Variants in ADIPOR2 observed in about 807,000 individuals in gnomAD.
The protein encoded by ADIPOR2 is adiponectin receptor protein 2.
ADIPOR2 carries 18 observed loss-of-function variants against 40.9 expected under a neutral mutation model. That is an observed-to-expected ratio of 0.44 (90% CI 0.30 to 0.65). The LOEUF (loss-of-function observed/expected upper bound fraction) is 0.65, where lower values mean the gene tolerates loss of function less well. Ranked by LOEUF, ADIPOR2 falls within the 30% of genes least tolerant of loss-of-function variation. The probability of loss-of-function intolerance (pLI) is 0.09; values close to 1 mark genes in which losing one functional copy is unlikely to be tolerated. For missense variants in ADIPOR2, 283 were observed against 479.2 expected (o/e 0.59, Z 3.82); for synonymous variants, 165 against 166.4 (o/e 0.99, Z 0.06).
At chr12:1,780,349 C>T (rs549007401) in intron 4 of ADIPOR2, 102 bp from the exon 5 acceptor site, 423 of 1,199,310 alleles carry the variant, frequency 3.5e-4, no homozygotes, top group Middle Eastern at 8.7e-4. Context: ...ACTTTTGATT[C>T]AGATATTGTT....
chr12:1,708,410 T>C (rs1031685603), intron 1 of ADIPOR2, among the ~76,000 whole-genome samples: 2 of 152,216 alleles, frequency 1.3e-5, no homozygotes, highest in Non-Finnish European at 2.9e-5. Flanking sequence ...TTTTTACTTA[T>C]GGTTAGTGCT....
intron 2 of ADIPOR2, chr12:1,757,778 T>C: frequency 2.0e-6 from 2 of 1,016,016 alleles, no homozygotes; most frequent in Non-Finnish European, 1.6e-6. Flanking sequence ...GGGTAGGTTA[T>C]ATGAGTTCGG....
intron 1 of ADIPOR2, among the ~76,000 whole-genome samples, chr12:1,751,525 G>A (rs1031025140): frequency 1.3e-5 from 2 of 151,778 alleles, no homozygotes; most frequent in African/African-American, 4.8e-5. Flanking sequence ...TTTTTATTAC[G>A]AGATGGGGTC....
chr12:1,750,934 CATTT>C lies in ADIPOR2; in HGVS notation c.-86-3322_-86-3319del, dbSNP rs933749307. ...AATTTTTATACTCATTTTTTTCCCT[CATTT>C]AATTATCTAAGACTTCCAAGATAGA... is the stretch of plus-strand genomic sequence containing the variant. On this transcript the variant is annotated intron_variant, in intron 1 of 7. Transcript: ENST00000357103. Among the ~76,000 whole-genome samples the C allele has an allele frequency of 1.2e-3, 179 of 151,554 alleles. 1 individual carries two copies. The highest frequency in any genetic ancestry group is 4.1e-3 in the African/African-American group (171 of 41,362).
At chr12:1,705,231 T>C (rs564467794) in intron 1 of ADIPOR2, among the ~76,000 whole-genome samples, 3 of 152,334 alleles carry the variant, frequency 2.0e-5, no homozygotes, top group African/African-American at 7.2e-5. Context: ...TATGTGGTAT[T>C]ATAGTACAGA....
chr12:1,782,359 T>A (rs543360227), intron 6 of ADIPOR2, among the ~76,000 whole-genome samples: 3 of 152,368 alleles, frequency 2.0e-5, no homozygotes, highest in African/African-American at 7.2e-5. Flanking sequence ...CTTTATCTGT[T>A]GAGAAAGCTT....
chr12:1,711,222 G>A (rs2094676165), intron 1 of ADIPOR2, among the ~76,000 whole-genome samples: 1 of 152,120 alleles, frequency 6.6e-6, no homozygotes, highest in African/African-American at 2.4e-5. Context: ...GATAGATTTT[G>A]TTATTTCTTG....
chr12:1,714,981 C>A (rs1421350149), intron 1 of ADIPOR2, among the ~76,000 whole-genome samples: 1 of 151,946 alleles, frequency 6.6e-6, no homozygotes, highest in Non-Finnish European at 1.5e-5. Flanking sequence ...TGGGTTGGGC[C>A]AAATTCCCCT....
chr12:1,742,346 G>T (rs1191062176), intron 1 of ADIPOR2, among the ~76,000 whole-genome samples: 2 of 152,316 alleles, frequency 1.3e-5, no homozygotes, highest in East Asian at 3.9e-4. Flanking sequence ...GCCCACCTGG[G>T]CCTCCCAAAG....
Position 1,781,809 on chromosome 12 carries a change from C to T in ADIPOR2, c.838+733C>T, listed in dbSNP as rs560176334. Among the ~76,000 whole-genome samples, 4 of 152,262 alleles carry T rather than the reference C, an allele frequency of 2.6e-5. No individual in the cohort carries two copies. In the East Asian group the frequency reaches 5.8e-4, roughly 22 times the overall value. On this transcript the variant is annotated intron_variant, in intron 6 of 7. Coordinates refer to ENST00000357103, the MANE Select transcript of ADIPOR2 (RefSeq NM_024551.3). Reference sequence around the variant, plus strand: ...ATTAAAATCTAAACCCTGGATCATCCGGGGGTACCTGGAAGGTTAGACACA... The same window carrying T: ...ATTAAAATCTAAACCCTGGATCATCTGGGGGTACCTGGAAGGTTAGACACA...
intron 2 of ADIPOR2, among the ~76,000 whole-genome samples, chr12:1,755,667 A>G (rs1862109725): frequency 6.6e-6 from 1 of 152,250 alleles, no homozygotes; most frequent in Non-Finnish European, 1.5e-5. Flanking sequence ...AAGTATCAGA[A>G]AGTCATTGTT....
At chr12:1,727,000 T>G (rs1042429373) in intron 1 of ADIPOR2, among the ~76,000 whole-genome samples, 1 of 152,244 alleles carries the variant, frequency 6.6e-6, no homozygotes, top group Non-Finnish European at 1.5e-5. Context: ...TTGCTTCTCT[T>G]GAGTATATCT....
chr12:1,751,389 C>T (rs1164412790), intron 1 of ADIPOR2, among the ~76,000 whole-genome samples: 1 of 151,978 alleles, frequency 6.6e-6, no homozygotes, highest in Non-Finnish European at 1.5e-5. Context: ...AGTTGATTTT[C>T]TTCTTTTTAT....
intron 1 of ADIPOR2, among the ~76,000 whole-genome samples, chr12:1,716,476 T>G (rs964325286): frequency 6.6e-5 from 10 of 152,264 alleles, no homozygotes; most frequent in African/African-American, 1.9e-4. Flanking sequence ...AACCTTCGAT[T>G]GTTTGTAATA....
chr12:1,781,219 G>A, intron 6 of ADIPOR2, 143 bp downstream of exon 6: 2 of 945,172 alleles, frequency 2.1e-6, no homozygotes, highest in South Asian at 4.4e-5. Context: ...CTATTGTTGG[G>A]GGTTTTTTTA....
intron 1 of ADIPOR2, among the ~76,000 whole-genome samples, chr12:1,736,182 C>T (rs1360416469): frequency 6.6e-6 from 1 of 152,048 alleles, no homozygotes; most frequent in Non-Finnish European, 1.5e-5. Flanking sequence ...CCAGCTCCTC[C>T]TTGTACCTCT....
In ADIPOR2 at chr12:1,786,571, A is replaced by T. The variant is rs371544429; in HGVS notation, c.*499A>T. ...GTAAATAAGATTTCTAACTGTTTAA[A>T]TAAGACTTTATATAAATGTTTAAAA... On this transcript the variant is annotated 3_prime_UTR_variant, in exon 8 of 8. Transcript: ENST00000357103. The T allele has an allele frequency of 1.3e-5, 2 of 153,828 alleles. No individual in the cohort carries two copies. The highest frequency in any genetic ancestry group is 2.9e-5 in the Non-Finnish European group (2 of 68,852). 9.5% of individuals were successfully genotyped at this position (153,828 alleles called of 1,614,324 possible).
chr12:1,737,823 A>G (rs1266470023), intron 1 of ADIPOR2, among the ~76,000 whole-genome samples: 1 of 152,126 alleles, frequency 6.6e-6, no homozygotes, highest in African/African-American at 2.4e-5. Flanking sequence ...AAGTGCTAGG[A>G]TTACAGGCGG....
At chr12:1,708,046 T>A (rs985180760) in intron 1 of ADIPOR2, among the ~76,000 whole-genome samples, 3 of 151,942 alleles carry the variant, frequency 2.0e-5, no homozygotes, top group African/African-American at 7.3e-5. Flanking sequence ...GGTAAAAAAA[T>A]AACAATATGC....
Sources: gnomAD v4.1 joint callset for allele counts (sites outside exome capture counted in the v4.1 genomes callset) on GRCh38, gnomAD v4.1.1 for gene constraint, MANE v1.5 for transcripts, NCBI Gene and HGNC (gene_info 2026-07-23, HGNC 2026-07-21) for gene names.